FOXP2: variants seen among roughly 807,000 people sequenced by gnomAD.
FOXP2 encodes forkhead box protein P2.
A neutral mutation model predicts 115.8 loss-of-function variants in FOXP2; 12 were observed. The ratio of observed to expected loss-of-function variants is 0.10; its 90% CI spans 0.07 to 0.17. The LOEUF (loss-of-function observed/expected upper bound fraction) is 0.17. Ranked by LOEUF, FOXP2 falls within the 10% of genes least tolerant of loss-of-function variation. The probability of loss-of-function intolerance (pLI) is 1.00; values close to 1 mark genes in which losing one functional copy is unlikely to be tolerated. For synonymous variants in FOXP2, 328 were observed against 297.7 expected, an observed-to-expected ratio of 1.10 and a Z score of -1.05; for missense variants, 629 against 843.5, an observed-to-expected ratio of 0.75 and a Z score of 3.15.
chr7:114,308,580 C>A (rs934559853), intron 2 of FOXP2, among the ~76,000 whole-genome samples: 26 of 151,920 alleles, frequency 1.7e-4, no homozygotes, highest in Non-Finnish European at 3.5e-4. Flanking sequence ...AGTGTGTAGA[C>A]CAAAAAGAGA....
intron 2 of FOXP2, among the ~76,000 whole-genome samples, chr7:114,372,389 A>C (rs1184201309): frequency 6.6e-6 from 1 of 152,164 alleles, no homozygotes; most frequent in Non-Finnish European, 1.5e-5. Flanking sequence ...TGGGAATGTG[A>C]AAAGGGGTGC....
intron 2 of FOXP2, among the ~76,000 whole-genome samples, chr7:114,406,873 A>G (rs939501829): frequency 3.1e-4 from 47 of 151,898 alleles, no homozygotes; most frequent in Admixed American, 2.6e-3. Context: ...ATATTTTCCT[A>G]TGGTAATTTA....
chr7:114,559,693 T>C (rs1436852701), intron 3 of FOXP2, among the ~76,000 whole-genome samples: 10 of 150,596 alleles, frequency 6.6e-5, no homozygotes, highest in Non-Finnish European at 1.3e-4. Flanking sequence ...CCATACTGGC[T>C]AACACGGTGA....
intron 3 of FOXP2, among the ~76,000 whole-genome samples, chr7:114,602,539 GT>G (rs1221207326): frequency 2.6e-5 from 4 of 151,882 alleles, no homozygotes; most frequent in Admixed American, 2.6e-4. Flanking sequence ...ATTTGCTACA[GT>G]TTTCTGTGGT....
At chr7:114,119,967 A>G (rs1461426384) in intron 1 of FOXP2, among the ~76,000 whole-genome samples, 3 of 152,118 alleles carry the variant, frequency 2.0e-5, no homozygotes, top group Admixed American at 6.6e-5. Context: ...TGATCTTCCA[A>G]TCCTACTTTG....
chr7:114,087,375 GGT>G (rs531160676), upstream of FOXP2, among the ~76,000 whole-genome samples: 391 of 152,202 alleles, frequency 2.6e-3, no homozygotes, highest in African/African-American at 8.6e-3. Flanking sequence ...GGCTTCCCCC[GGT>G]GTCTGGCCTG....
intron 16 of FOXP2, chr7:114,669,488 A>G (rs2129344896): frequency 6.6e-6 from 1 of 152,194 alleles, no homozygotes; most frequent in East Asian, 1.9e-4. Context: ...GAGTATCATT[A>G]CAATTTATAA....
At chr7:114,377,949 G>A (rs1418534526) in intron 2 of FOXP2, among the ~76,000 whole-genome samples, 1 of 152,008 alleles carries the variant, frequency 6.6e-6, no homozygotes, top group Non-Finnish European at 1.5e-5. Context: ...TTCTTGCTTT[G>A]CCTGGCATGC....
chr7:114,274,822 T>C (rs1283262149), intron 1 of FOXP2, among the ~76,000 whole-genome samples: 1 of 151,468 alleles, frequency 6.6e-6, no homozygotes, highest in African/African-American at 2.4e-5. Flanking sequence ...TTTGTTTTTT[T>C]GTTTTTGTAT....
intron 2 of FOXP2, among the ~76,000 whole-genome samples, chr7:114,525,451 C>CGATA (rs1016403259): frequency 3.5e-4 from 53 of 152,004 alleles, no homozygotes; most frequent in African/African-American, 1.3e-3. Flanking sequence ...AAGAAAATAC[C>CGATA]GATATATTTA....
rs551830179 is a variant in FOXP2 at position 114,340,411 on chromosome 7, G to A, written c.-11+52302G>A. Among the ~76,000 whole-genome samples, 8 of 151,200 alleles carry A rather than the reference G, an allele frequency of 5.3e-5. No individual in the cohort carries two copies. In the South Asian group the frequency reaches 1.2e-3, roughly 24 times the overall value. ...CTTGTGTTGTGGTCACAGAAAAAAT[G>A]TGCCAAAATAGATGGTAAATATATT... On this transcript the variant is annotated intron_variant, in intron 2 of 17. Coordinates refer to the FOXP2 transcript ENST00000634411.
intron 2 of FOXP2, among the ~76,000 whole-genome samples, chr7:114,481,623 C>A (rs974306870): frequency 1.8e-4 from 28 of 151,376 alleles, no homozygotes; most frequent in Non-Finnish European, 2.5e-4. Flanking sequence ...TACTGACTCT[C>A]TGCACTTAGA....
At chr7:114,528,393 G>A (rs551087345) in intron 2 of FOXP2, among the ~76,000 whole-genome samples, 1 of 152,040 alleles carries the variant, frequency 6.6e-6, no homozygotes, top group African/African-American at 2.4e-5. Flanking sequence ...CATTCAACTG[G>A]ATCTTTCTTA....
intron 1 of FOXP2, among the ~76,000 whole-genome samples, chr7:114,266,231 C>T: frequency 6.6e-6 from 1 of 152,190 alleles, no homozygotes; most frequent in Non-Finnish European, 1.5e-5. Context: ...CCAACCTCTT[C>T]CTATTACCCA....
chr7:114,366,602 C>T (rs1006390380), intron 2 of FOXP2: 1 of 152,098 alleles, frequency 6.6e-6, no homozygotes, highest in Non-Finnish European at 1.5e-5. Flanking sequence ...TGCTACTAGT[C>T]TTCCAACATG....
rs376028576 is a variant in FOXP2 at position 114,173,849 on chromosome 7, G to A, written c.-102+10761G>A. On this transcript the variant is annotated intron_variant, in intron 1 of 17. Transcript: ENST00000634411. ...TTTTTCTGTGTTAAAGCAGAATAAA[G>A]CAATGCTTATAGTCTATCTAAAACT... 3.0e-4 allele frequency among the ~76,000 whole-genome samples: 46 copies of A among 152,002 alleles called. No homozygotes were observed. In the South Asian group the frequency reaches 8.9e-3, roughly 29 times the overall value.
At chr7:114,438,159 A>G (rs553187656) in intron 2 of FOXP2, among the ~76,000 whole-genome samples, 2 of 152,296 alleles carry the variant, frequency 1.3e-5, no homozygotes, top group South Asian at 2.1e-4. Context: ...TGATTAGTCT[A>G]CAATCTAGAA....
chr7:114,562,773 TG>T (rs567429610), intron 3 of FOXP2, among the ~76,000 whole-genome samples: 67 of 68,716 alleles, frequency 9.8e-4, no homozygotes, highest in Middle Eastern at 6.4e-3. Context: ...ATCTTAACCC[TG>T]TTTTTTTTTT....
chr7:114,680,171 A>G (rs1403404318), intron 16 of FOXP2, among the ~76,000 whole-genome samples: 1 of 152,192 alleles, frequency 6.6e-6, no homozygotes, highest in African/African-American at 2.4e-5. Context: ...AATCTCACAA[A>G]TGTAAATTAA....
Sources: gnomAD v4.1 joint callset for allele counts (sites outside exome capture counted in the v4.1 genomes callset) on GRCh38, gnomAD v4.1.1 for gene constraint, MANE v1.5 for transcripts, NCBI Gene and HGNC (gene_info 2026-07-23, HGNC 2026-07-21) for gene names.